The following RBM47 variants were observed in gnomAD, a reference collection of about 807,000 sequenced individuals.
RBM47 encodes RNA binding motif protein 47.
RBM47 carries 21 observed loss-of-function variants against 47.1 expected under a neutral mutation model. The observed-to-expected ratio is 0.45, with a 90% CI of 0.32 to 0.64. RBM47 has a LOEUF of 0.64. Ranked by LOEUF, RBM47 falls within the 30% of genes least tolerant of loss-of-function variation. The pLI is 0.05. For missense variants in RBM47, 708 were observed against 870.9 expected (o/e 0.81, Z 2.35); for synonymous variants, 375 against 361.7 (o/e 1.04, Z -0.42).
intron 3 of RBM47, among the ~76,000 whole-genome samples, chr4:40,465,788 T>G (rs1717924324): frequency 6.6e-6 from 1 of 152,168 alleles, no homozygotes; most frequent in Non-Finnish European, 1.5e-5. Flanking sequence ...TATGTTGTGG[T>G]TCTTTGGATC....
At chr4:40,573,011 G>A (rs1291359460) in intron 1 of RBM47, among the ~76,000 whole-genome samples, 21 of 151,510 alleles carry the variant, frequency 1.4e-4, no homozygotes, top group Admixed American at 1.3e-3. Context: ...TTAGCTGCTG[G>A]GTGTGGTGGT....
intron 1 of RBM47, among the ~76,000 whole-genome samples, chr4:40,577,123 A>G (rs566424173): frequency 1.3e-5 from 2 of 152,150 alleles, no homozygotes; most frequent in East Asian, 1.9e-4. Flanking sequence ...TAAAGAGGAA[A>G]CCCTGAGTGA....
At chr4:40,521,591 T>C (rs570096164) in intron 2 of RBM47, among the ~76,000 whole-genome samples, 156 of 152,348 alleles carry the variant, frequency 1.0e-3, no homozygotes, top group African/African-American at 3.4e-3. Flanking sequence ...TTCTACTGTA[T>C]ACCAAATTAT....
chr4:40,552,148 C>T (rs1239955046), intron 1 of RBM47, among the ~76,000 whole-genome samples: 1 of 151,908 alleles, frequency 6.6e-6, no homozygotes, highest in East Asian at 1.9e-4. Flanking sequence ...CCTGTAATCC[C>T]AGCACTTTGG....
chr4:40,498,088 A>ATATAT (rs1451337894), intron 2 of RBM47, among the ~76,000 whole-genome samples: 14 of 138,680 alleles, frequency 1.0e-4, no homozygotes, highest in Non-Finnish European at 1.4e-4. Flanking sequence ...ATGTTTATCT[A>ATATAT]ATTCCAGAAA....
At chr4:40,581,469 A>AAATAAATAAAT (rs1553904705) in intron 1 of RBM47, among the ~76,000 whole-genome samples, 1 of 79,206 alleles carries the variant, frequency 1.3e-5, no homozygotes, top group Non-Finnish European at 2.9e-5. Flanking sequence ...AATAAATAAA[A>AAATAAATAAAT]GGAGAGGTCA....
intron 1 of RBM47, among the ~76,000 whole-genome samples, chr4:40,592,761 G>A (rs2154275445): frequency 6.6e-6 from 1 of 150,438 alleles, no homozygotes; most frequent in East Asian, 2.0e-4. Flanking sequence ...GCCTCGCTAT[G>A]TTATTCAGGC....
At position 40,432,708 on chromosome 4, in the gene RBM47, CGCGGCTGCGGCG is replaced by C. The variant is rs758772454; in HGVS notation, c.1473_1484del (p.Ala499_Ala502del). 1.9e-6 allele frequency: 3 copies of C among 1,589,718 alleles called. No homozygotes were observed. The highest frequency in any genetic ancestry group is 2.6e-6 in the Non-Finnish European group (3 of 1,164,636). On this transcript the variant is annotated inframe_deletion, in exon 6 of 7. Coordinates refer to ENST00000295971, the MANE Select transcript of RBM47 (RefSeq NM_001098634.2). ...TGACAGCGGCTGCGGCGGCTGCGGC[CGCGGCTGCGGCG>C]GCAGCAGCACTGGCTGGGTCTGGCT...
chr4:40,447,190 A>C (rs1302976484), intron 3 of RBM47, among the ~76,000 whole-genome samples: 2 of 152,206 alleles, frequency 1.3e-5, no homozygotes, highest in Non-Finnish European at 2.9e-5. Flanking sequence ...AAAATGCATG[A>C]GTCTTCACTG....
chr4:40,470,376 G>T (rs1718672125), intron 2 of RBM47, among the ~76,000 whole-genome samples: 1 of 152,168 alleles, frequency 6.6e-6, no homozygotes, highest in African/African-American at 2.4e-5. Context: ...TGGGGCATGT[G>T]AATCTCACAG....
chr4:40,579,364 G>C (rs528589870), intron 1 of RBM47, among the ~76,000 whole-genome samples: 1 of 146,486 alleles, frequency 6.8e-6, no homozygotes, highest in African/African-American at 2.6e-5. Context: ...GGAGGTTGTA[G>C]TGAGTCGAGA....
intron 1 of RBM47, among the ~76,000 whole-genome samples, chr4:40,620,152 C>T (rs922090017): frequency 3.9e-4 from 55 of 139,624 alleles, no homozygotes; most frequent in Non-Finnish European, 1.1e-4. Flanking sequence ...GCCAAGATCA[C>T]ACCATTGCAC....
chr4:40,519,401 G>T (rs1191560413), intron 2 of RBM47, among the ~76,000 whole-genome samples: 1 of 148,110 alleles, frequency 6.8e-6, no homozygotes, highest in Admixed American at 6.8e-5. Context: ...GGGTTCAAGC[G>T]AATCTCCTGC....
chr4:40,500,533 C>T (rs1723218999), intron 2 of RBM47, among the ~76,000 whole-genome samples: 1 of 152,096 alleles, frequency 6.6e-6, no homozygotes, highest in Non-Finnish European at 1.5e-5. Flanking sequence ...ATCACCTGAG[C>T]CCAGGAGGTC....
At chr4:40,483,832 C>T (rs1324784647) in intron 2 of RBM47, among the ~76,000 whole-genome samples, 2 of 152,002 alleles carry the variant, frequency 1.3e-5, no homozygotes, top group Non-Finnish European at 2.9e-5. Context: ...GCATCAAAAC[C>T]CTTCTAAAAA....
intron 2 of RBM47, among the ~76,000 whole-genome samples, chr4:40,517,019 TCC>T (rs1215600454): frequency 1.3e-5 from 2 of 152,172 alleles, no homozygotes; most frequent in African/African-American, 4.8e-5. Flanking sequence ...CAGAAGTCTT[TCC>T]CATGAGCACC....
intron 2 of RBM47, among the ~76,000 whole-genome samples, chr4:40,521,421 G>A (rs959720169): frequency 6.6e-6 from 1 of 152,062 alleles, no homozygotes; most frequent in African/African-American, 2.4e-5. Context: ...GGCTGGTCTT[G>A]AACTCCTGAC....
chr4:40,606,038 A>AG (rs1443125528), intron 1 of RBM47, among the ~76,000 whole-genome samples: 5 of 148,124 alleles, frequency 3.4e-5, no homozygotes, highest in African/African-American at 1.2e-4. Flanking sequence ...TCTCTACTTA[A>AG]AAAAAAAAAA....
intron 3 of RBM47, among the ~76,000 whole-genome samples, chr4:40,454,893 C>T (rs767293082): frequency 6.6e-6 from 1 of 151,950 alleles, no homozygotes; most frequent in African/African-American, 2.4e-5. Context: ...AAAGCCAAAG[C>T]TCTTTCTACC....
Sources: gnomAD v4.1 joint callset for allele counts (sites outside exome capture counted in the v4.1 genomes callset) on GRCh38, gnomAD v4.1.1 for gene constraint, MANE v1.5 for transcripts, NCBI Gene and HGNC (gene_info 2026-07-23, HGNC 2026-07-21) for gene names.